NARS2: variants seen among roughly 807,000 people sequenced by gnomAD.
NARS2 encodes the protein asparaginyl-tRNA synthetase.
NARS2 carries 60 observed loss-of-function variants against 62.9 expected under a neutral mutation model. That is an observed-to-expected ratio of 0.95 (90% CI 0.77 to 1.18). NARS2 has a LOEUF of 1.18. NARS2 is among the 50% of genes most tolerant of loss of function. The probability of loss-of-function intolerance (pLI) is 0.00; values close to 1 mark genes in which losing one functional copy is unlikely to be tolerated. For synonymous variants in NARS2, 196 were observed against 200.0 expected, an observed-to-expected ratio of 0.98 and a Z score of 0.17; for missense variants, 619 against 576.4, an observed-to-expected ratio of 1.07 and a Z score of -0.76.
intron 13 of NARS2, 140 bp from the exon 14 acceptor site, chr11:78,436,954 C>T: frequency 1.3e-6 from 1 of 783,490 alleles, no homozygotes; most frequent in South Asian, 1.9e-5. Context: ...TTCCCCTCCA[C>T]AGACAGACAA....
At chr11:78,521,987 T>G (rs1268001443) in intron 6 of NARS2, among the ~76,000 whole-genome samples, 1 of 152,076 alleles carries the variant, frequency 6.6e-6, no homozygotes, top group South Asian at 2.1e-4. Context: ...TCCTCCCCTT[T>G]TTGTTGCCCA....
intron 6 of NARS2, among the ~76,000 whole-genome samples, chr11:78,514,078 C>A (rs1362577456): frequency 6.6e-6 from 1 of 152,158 alleles, no homozygotes; most frequent in Non-Finnish European, 1.5e-5. Flanking sequence ...GCCTACAAAA[C>A]CGTTAGCCAA....
intron 5 of NARS2, among the ~76,000 whole-genome samples, chr11:78,538,217 T>C (rs187546116): frequency 6.6e-6 from 1 of 152,292 alleles, no homozygotes; most frequent in Non-Finnish European, 1.5e-5. Flanking sequence ...GCACAATACA[T>C]TCACCTCAAA....
At chr11:78,467,691 G>C (rs1270133603) in intron 10 of NARS2, among the ~76,000 whole-genome samples, 1 of 152,110 alleles carries the variant, frequency 6.6e-6, no homozygotes, top group Admixed American at 6.5e-5. Context: ...TTGTCAAAGT[G>C]TATACACTTT....
chr11:78,492,220 C>T (rs1459983006), intron 7 of NARS2, among the ~76,000 whole-genome samples: 1 of 151,950 alleles, frequency 6.6e-6, no homozygotes, highest in African/African-American at 2.4e-5. Flanking sequence ...TTGATGAAGA[C>T]ACTGAGGCCT....
chr11:78,517,737 T>C (rs1860965181), intron 6 of NARS2, among the ~76,000 whole-genome samples: 1 of 152,220 alleles, frequency 6.6e-6, no homozygotes, highest in African/African-American at 2.4e-5. Flanking sequence ...TTAAAAGCCA[T>C]TGCACTTGCT....
intron 2 of NARS2, among the ~76,000 whole-genome samples, chr11:78,569,998 G>T (rs944398471): frequency 9.2e-5 from 14 of 152,130 alleles, no homozygotes; most frequent in African/African-American, 2.9e-4. Context: ...AGACCAGCCT[G>T]GCCAACATGG....
At chr11:78,471,335 G>C (rs1842127005) in intron 9 of NARS2, among the ~76,000 whole-genome samples, 1 of 152,080 alleles carries the variant, frequency 6.6e-6, no homozygotes, top group South Asian at 2.1e-4. Flanking sequence ...AACACTTAGA[G>C]TTTCATATGT....
intron 6 of NARS2, 77 bp downstream of exon 6, chr11:78,528,764 AG>A (rs1861381631): frequency 1.2e-5 from 11 of 909,242 alleles, no homozygotes; most frequent in Non-Finnish European, 1.8e-5. Context: ...TTCAACTTTT[AG>A]GTTTGAGCAT....
intron 6 of NARS2, among the ~76,000 whole-genome samples, chr11:78,521,159 T>G (rs1861105557): frequency 7.0e-6 from 1 of 142,040 alleles, no homozygotes; most frequent in Non-Finnish European, 1.5e-5. Context: ...TCTTATTCTC[T>G]CTCTTTCTTT....
At position 78,526,224 on chromosome 11, in the gene NARS2, C is replaced by T. The variant is rs146913410; in HGVS notation, c.689+2618G>A. Among the ~76,000 whole-genome samples, 43 of 152,184 alleles carry T rather than the reference C, an allele frequency of 2.8e-4. No individual in the cohort carries two copies. The East Asian group carries it at 8.3e-3, about 29-fold the overall frequency. The stretch of plus-strand genomic sequence containing the variant: ...TGGATAGAGAATACACAAAACTATG[C>T]ATTATCTTTTCAACTTTCTATATAT... On this transcript the variant is annotated intron_variant, in intron 6 of 13. Transcript: ENST00000281038.
intron 5 of NARS2, among the ~76,000 whole-genome samples, chr11:78,551,436 C>A (rs1565277766): frequency 6.6e-6 from 1 of 152,194 alleles, no homozygotes; most frequent in African/African-American, 2.4e-5. Context: ...GTATTATAAT[C>A]TTATGGGATC....
intron 6 of NARS2, among the ~76,000 whole-genome samples, chr11:78,501,207 G>A (rs897541721): frequency 2.0e-5 from 3 of 152,176 alleles, no homozygotes; most frequent in East Asian, 3.8e-4. Flanking sequence ...AGTAAGAGGA[G>A]TGACACTGCT....
chr11:78,448,930 T>C (rs1164076478), intron 11 of NARS2, among the ~76,000 whole-genome samples: 4 of 152,174 alleles, frequency 2.6e-5, no homozygotes, highest in Admixed American at 6.5e-5. Flanking sequence ...TCTTAATTCT[T>C]TTAATGCTAT....
intron 9 of NARS2, 115 bp from the exon 10 acceptor site, chr11:78,469,428 T>G (rs1279370199): frequency 1.4e-6 from 1 of 731,798 alleles, no homozygotes; most frequent in Non-Finnish European, 2.4e-6. Context: ...TCATGAATAA[T>G]CAGGAATTAA....
At chr11:78,562,956 A>C (rs977900082) in intron 4 of NARS2, among the ~76,000 whole-genome samples, 13 of 152,230 alleles carry the variant, frequency 8.5e-5, no homozygotes, top group Admixed American at 2.6e-4. Flanking sequence ...CAGATCAAAG[A>C]AACACTACAA....
intron 6 of NARS2, among the ~76,000 whole-genome samples, chr11:78,504,151 T>C (rs1214168420): frequency 6.6e-6 from 1 of 152,168 alleles, no homozygotes; most frequent in East Asian, 1.9e-4. Context: ...AAATTCAAAT[T>C]TTTCCACTGA....
intron 6 of NARS2, among the ~76,000 whole-genome samples, chr11:78,516,192 A>C (rs1443692340): frequency 1.3e-5 from 2 of 152,256 alleles, no homozygotes; most frequent in African/African-American, 4.8e-5. Flanking sequence ...CAAACATGAC[A>C]TAAAAGTACA....
At chr11:78,485,706 C>T (rs1229928369) in intron 7 of NARS2, among the ~76,000 whole-genome samples, 4 of 152,102 alleles carry the variant, frequency 2.6e-5, no homozygotes, top group Admixed American at 1.3e-4. Context: ...CCAGTCTTTT[C>T]TCTCTTCTGT....
Sources: allele counts gnomAD v4.1 joint callset (sites outside exome capture counted in the v4.1 genomes callset), GRCh38; gene constraint gnomAD v4.1.1; transcripts MANE v1.5; gene names NCBI Gene and HGNC (gene_info 2026-07-23, HGNC 2026-07-21).